The following ZC3H7B variants were observed in gnomAD, a reference collection of about 807,000 sequenced individuals.
ZC3H7B encodes zinc finger CCCH-type containing 7B, also known as zinc finger CCCH domain-containing protein 7B.
ZC3H7B carries 35 observed loss-of-function variants against 116.0 expected under a neutral mutation model. That is an observed-to-expected ratio of 0.30 (90% CI 0.23 to 0.40). ZC3H7B has a LOEUF of 0.40. ZC3H7B is among the 10% of genes least tolerant of loss of function. ZC3H7B has a pLI of 1.00. For missense variants in ZC3H7B, 1,011 were observed against 1,321.5 expected (o/e 0.77, Z 3.64); for synonymous variants, 502 against 545.6 (o/e 0.92, Z 1.11).
At chr22:41,340,540 G>A (rs927785108) in intron 10 of ZC3H7B, among the ~76,000 whole-genome samples, 3 of 152,126 alleles carry the variant, frequency 2.0e-5, no homozygotes, top group Admixed American at 6.5e-5. Context: ...GGAGGAAGCC[G>A]TCTTGTCTGG....
At chr22:41,337,026 C>T (rs1046116400) in intron 7 of ZC3H7B, among the ~76,000 whole-genome samples, 3 of 151,908 alleles carry the variant, frequency 2.0e-5, no homozygotes, top group Non-Finnish European at 2.9e-5. Flanking sequence ...ATCCCAGCTA[C>T]TTGGGAGGCT....
chr22:41,311,057 G>A (rs1341057151), intron 1 of ZC3H7B, among the ~76,000 whole-genome samples: 6 of 149,450 alleles, frequency 4.0e-5, no homozygotes, highest in East Asian at 2.0e-4. Context: ...GAGCCACCGC[G>A]CCCAGCCTCA....
chr22:41,349,968 A>G lies in ZC3H7B; in HGVS notation c.1948+667A>G, dbSNP rs2036636863. 6.6e-6 allele frequency among the ~76,000 whole-genome samples: 1 copy of G among 152,232 alleles called. No individual in the cohort carries two copies. Among genetic ancestry groups the G allele is most frequent in the South Asian group, 2.1e-4 (1 of 4,828 alleles). ...GGGGCGGGGATTTAAAATATGGTAC[A>G]TATAACATTCAGTGTCTGCTTAGAG... On this transcript the variant is annotated intron_variant, in intron 16 of 22. Transcript: ENST00000352645. The surrounding 1 kb of genome is among the most constrained non-coding windows in gnomAD (Gnocchi z 4.9).
In ZC3H7B at chr22:41,321,829, C is replaced by CTTTTTTT. The variant is rs199611879; in HGVS notation, c.53+1138_53+1144dup. On this transcript the variant is annotated intron_variant, in intron 2 of 22. Transcript: ENST00000352645. ...GACCACAAAACTCAAAACTCACATTCTTTTTTTTTTTTTTTTTTTTTTTTT... is the reference window on the plus strand; with the variant it reads ...GACCACAAAACTCAAAACTCACATTCTTTTTTTTTTTTTTTTTTTTTTTTTTTTTTTT... Among the ~76,000 whole-genome samples, 188 of 91,004 alleles carry CTTTTTTT rather than the reference C, an allele frequency of 2.1e-3. 41 individuals are homozygous for CTTTTTTT. Among genetic ancestry groups the CTTTTTTT allele is most frequent in the African/African-American group, 8.0e-3 (142 of 17,666 alleles). The allele number at this position is 91,004 out of a possible 152,430, so 59.7% of individuals were successfully genotyped here. A position where few individuals can be genotyped will look rare whatever the true frequency, so the allele number is the denominator to read the frequency against.
chr22:41,321,833 T>TTA (rs1396904717), intron 2 of ZC3H7B, among the ~76,000 whole-genome samples: 5 of 63,230 alleles, frequency 7.9e-5, no homozygotes, highest in Non-Finnish European at 1.3e-4. Context: ...CACATTCTTT[T>TTA]TTTTTTTTTT....
rs548799062 is a variant in ZC3H7B, at chr22:41,322,781, G to A, written c.53+2068G>A. Among the ~76,000 whole-genome samples the A allele has an allele frequency of 5.9e-5, 9 of 152,210 alleles. No homozygotes were observed. The South Asian group carries it at 1.9e-3, about 32-fold the overall frequency. On this transcript the variant is annotated intron_variant, in intron 2 of 22. Coordinates refer to ENST00000352645, the MANE Select transcript of ZC3H7B (RefSeq NM_017590.6). ...CTCCCCACTTTTGTTCTCTCACACA[G>A]ACCAGTAAAACACTCTTTGCCTTTT...
intron 5 of ZC3H7B, among the ~76,000 whole-genome samples, chr22:41,328,291 C>A (rs981308475): frequency 1.3e-5 from 2 of 152,146 alleles, no homozygotes; most frequent in Admixed American, 1.3e-4. Flanking sequence ...GAGCTGGGAC[C>A]CAGTTAGGGT....
Position 41,348,121 on chromosome 22 carries a change from T to C in ZC3H7B, c.1720T>C (p.Ser574Pro), listed in dbSNP as rs1157361529. 6.2e-7 allele frequency: 1 copy of C among 1,614,008 alleles called. No individual in the cohort carries two copies. Among genetic ancestry groups the C allele is most frequent in the Non-Finnish European group, 8.5e-7 (1 of 1,179,968 alleles). The change falls in exon 15 of 23, where the codon TCT (serine) becomes CCT (proline). Residue 574 changes from serine to proline, a missense_variant. Physicochemically the swap from Ser to Pro is moderately conservative, Grantham distance 74. This residue lies in a region of ZC3H7B where 406 missense variants were observed against 590.2 expected (regional missense o/e 0.69). Coordinates refer to ENST00000352645, the MANE Select transcript of ZC3H7B (RefSeq NM_017590.6). Reference protein sequence around the residue: ...IISKGTKDSPSVCSNLAAKHS... With the variant: ...IISKGTKDSPPVCSNLAAKHS... ...CAGCAAAGGCACCAAGGACTCTCCG[T>C]CTGTCTGCTCCAACCTGGCTGCCAA... is the stretch of plus-strand genomic sequence containing the variant.
In ZC3H7B at chr22:41,325,855, G is replaced by T. The variant is rs1002705135; in HGVS notation, c.222G>T (p.Val74=). Residue 74 remains valine (V), a synonymous_variant, in exon 4 of 23, where the codon GTG becomes GTT. Coordinates refer to ENST00000352645, the MANE Select transcript of ZC3H7B (RefSeq NM_017590.6). The part of the protein sequence containing the change: ...NVADYAASDQ[V]ALPRELLCKL... ...CCGACTACGCTGCCTCTGACCAGGT[G>T]GCCCTGCCCCGGGAGCTGCTGTGCA... The T allele has an allele frequency of 6.2e-7, 1 of 1,612,590 alleles. No homozygotes were observed. The highest frequency in any genetic ancestry group is 8.5e-7 in the Non-Finnish European group (1 of 1,179,744).
chr22:41,329,003 A>G (rs746278268), intron 5 of ZC3H7B, among the ~76,000 whole-genome samples: 8 of 146,512 alleles, frequency 5.5e-5, no homozygotes, highest in Non-Finnish European at 1.0e-4. Context: ...CCTGGCCAAC[A>G]TGGTGAAACC....
chr22:41,351,468 G>A lies in ZC3H7B; in HGVS notation c.1949-93G>A. The A allele has an allele frequency of 8.9e-7, 1 of 1,123,544 alleles. No individual in the cohort carries two copies. The highest frequency in any genetic ancestry group is 1.3e-6 in the Non-Finnish European group (1 of 782,088). 69.6% of individuals were successfully genotyped at this position (1,123,544 alleles called of 1,614,324 possible). On this transcript the variant is annotated intron_variant, in intron 16 of 22. Transcript: ENST00000352645. The surrounding 1 kb of genome is among the most constrained non-coding windows in gnomAD (Gnocchi z 5.1). ...GCTGAGAATAGGGCTCCTCCAGCTG[G>A]GCCTCGGGGGTCCCTGGCACCTCGT...
intron 1 of ZC3H7B, among the ~76,000 whole-genome samples, chr22:41,313,180 G>C (rs995118034): frequency 2.3e-5 from 3 of 132,852 alleles, no homozygotes; most frequent in Non-Finnish European, 4.9e-5. Flanking sequence ...GTGCAGTGGC[G>C]CGATATCAGC....
At chr22:41,320,806 C>G in intron 2 of ZC3H7B, 93 bp downstream of exon 2, 2 of 1,557,584 alleles carry the variant, frequency 1.3e-6, no homozygotes, top group South Asian at 2.2e-5. Context: ...TTTCTTGCTG[C>G]TGAGCCTTTG....
intron 7 of ZC3H7B, chr22:41,332,961 C>T (rs1004428437): frequency 4.6e-5 from 7 of 152,298 alleles, no homozygotes; most frequent in African/African-American, 1.7e-4. Context: ...CTGGCTCATC[C>T]CAGGGGGGTG....
chr22:41,306,128 T>C (rs1341199017), intron 1 of ZC3H7B, among the ~76,000 whole-genome samples: 3 of 152,088 alleles, frequency 2.0e-5, no homozygotes, highest in African/African-American at 7.2e-5. Context: ...ATACATGACA[T>C]TGGGTTCAAG....
chr22:41,320,051 G>T (rs538677578), intron 1 of ZC3H7B, among the ~76,000 whole-genome samples: 1 of 151,206 alleles, frequency 6.6e-6, no homozygotes, highest in South Asian at 2.1e-4. Context: ...AAAAATGGGG[G>T]GCCGGGCATA....
Position 41,338,425 on chromosome 22 carries a change from C to G in ZC3H7B, c.625+70C>G. The G allele has an allele frequency of 1.9e-6, 3 of 1,538,604 alleles. No individual in the cohort carries two copies. The highest frequency in any genetic ancestry group is 2.7e-6 in the Non-Finnish European group (3 of 1,124,484). ...AGAGGTCAGGGGAGTCGAGCCCCCT[C>G]CCCATCCCAGCCCTGTAGATGGGAG... On this transcript the variant is annotated intron_variant, in intron 8 of 22. Coordinates refer to ENST00000352645, the MANE Select transcript of ZC3H7B (RefSeq NM_017590.6). The surrounding 1 kb of genome is among the most constrained non-coding windows in gnomAD (Gnocchi z 4.5).
Position 41,359,303 on chromosome 22 carries a change from T to C in ZC3H7B, c.*1874T>C, listed in dbSNP as rs1279565729. 1 of 152,554 alleles carries C rather than the reference T, an allele frequency of 6.6e-6. No homozygotes were observed. Among genetic ancestry groups the C allele is most frequent in the Non-Finnish European group, 1.5e-5 (1 of 68,042 alleles). The allele number at this position is 152,554 out of a possible 1,614,324, so 9.5% of individuals were successfully genotyped here. ...GATGCATATATACACAGGTATTAAA[T>C]ATATCGCTCTATATAATATTATATA... On this transcript the variant is annotated 3_prime_UTR_variant, in exon 23 of 23. Transcript: ENST00000352645.
intron 17 of ZC3H7B, among the ~76,000 whole-genome samples, chr22:41,354,262 G>C (rs965302085): frequency 6.6e-6 from 1 of 152,214 alleles, no homozygotes; most frequent in Non-Finnish European, 1.5e-5. Flanking sequence ...GAGAATGGAG[G>C]GGAACACCCA....
Sources: allele counts gnomAD v4.1 joint callset (sites outside exome capture counted in the v4.1 genomes callset), GRCh38; gene constraint gnomAD v4.1.1; regional missense constraint gnomAD v4.1.1; non-coding constraint Gnocchi (gnomAD v3.1); transcripts MANE v1.5; gene names NCBI Gene and HGNC (gene_info 2026-07-23, HGNC 2026-07-21).